LIPE: variants seen among roughly 807,000 people sequenced by gnomAD.
The protein encoded by LIPE is hormone-sensitive lipase.
In LIPE, 66 loss-of-function variants were observed where a neutral mutation model predicts 88.5. That is an observed-to-expected ratio of 0.75 (90% confidence interval 0.61 to 0.91). LIPE has a LOEUF of 0.91. LIPE is among the 40% of genes least tolerant of loss of function. The pLI is 0.00. For missense variants in LIPE, 1,346 were observed against 1,434.7 expected (o/e 0.94, Z 1.00); for synonymous variants, 570 against 617.5 (o/e 0.92, Z 1.14).
intron 1 of LIPE, among the ~76,000 whole-genome samples, chr19:42,417,757 A>G (rs1000082000): frequency 6.6e-6 from 1 of 152,220 alleles, no homozygotes; most frequent in Admixed American, 6.5e-5. Context: ...GCAGTGGCTC[A>G]TACTTATAAT....
intron 2 of LIPE, among the ~76,000 whole-genome samples, chr19:42,409,559 G>A (rs1408560914): frequency 3.3e-5 from 5 of 152,198 alleles, no homozygotes; most frequent in Admixed American, 1.3e-4. Flanking sequence ...GACCAAGACA[G>A]GGGAGGCCTC....
chr19:42,404,516 A>C (rs1405669204), intron 8 of LIPE, among the ~76,000 whole-genome samples: 1 of 152,148 alleles, frequency 6.6e-6, no homozygotes, highest in East Asian at 1.9e-4. Context: ...GGTATGAGCC[A>C]TTGCGCCTGG....
chr19:42,424,236 C>A (rs1028316195), intron 1 of LIPE: 1 of 686,042 alleles, frequency 1.5e-6, no homozygotes, highest in Non-Finnish European at 2.3e-6. Context: ...ACGCTCGGCG[C>A]CTGCGCACTA....
At chr19:42,412,024 T>TG (rs988017543) in intron 1 of LIPE, among the ~76,000 whole-genome samples, 2 of 152,216 alleles carry the variant, frequency 1.3e-5, no homozygotes, top group Non-Finnish European at 2.9e-5. Context: ...CCCAGCTCTC[T>TG]GGGTCCACAG....
In LIPE at chr19:42,407,003, A is replaced by G. The variant is rs1024752356; in HGVS notation, c.2137+171T>C. The stretch of plus-strand genomic sequence containing the variant: ...GAGAGTCTGGGTGCCACAGTTGGGG[A>G]CAGAGGATAAAGTGGCTGAGGTGGA... On this transcript the variant is annotated intron_variant, in intron 6 of 9. Transcript: ENST00000244289. This position sits in a 1 kb window ranked among gnomAD's most constrained non-coding sequence, Gnocchi z 5.8. Among the ~76,000 whole-genome samples, 2 of 151,976 alleles carry G rather than the reference A, an allele frequency of 1.3e-5. No individual in the cohort carries two copies. The highest frequency in any genetic ancestry group is 2.9e-5 in the Non-Finnish European group (2 of 67,966).
chr19:42,427,210 A>AGCCCTCT lies in LIPE; in HGVS notation c.-68_-62dup. ...GTTCTATCCTTCTGGGCTCCCACCC[A>AGCCCTCT]GCCCTCTCTCTTCACAGATCTCTCA... On this transcript the variant is annotated 5_prime_UTR_variant, in exon 1 of 10. Coordinates refer to ENST00000244289, the MANE Select transcript of LIPE (RefSeq NM_005357.4). 1 of 1,510,534 alleles carries AGCCCTCT rather than the reference A, an allele frequency of 6.6e-7. No homozygotes were observed. The highest frequency in any genetic ancestry group is 8.8e-7 in the Non-Finnish European group (1 of 1,135,138). 93.6% of individuals were successfully genotyped at this position (1,510,534 alleles called of 1,614,324 possible). A position where few individuals can be genotyped will look rare whatever the true frequency, so the allele number is the denominator to read the frequency against.
chr19:42,426,145 T>C, intron 1 of LIPE, 122 bp downstream of exon 1: 1 of 729,602 alleles, frequency 1.4e-6, no homozygotes, highest in Middle Eastern at 4.0e-4. Flanking sequence ...GATGTTGATC[T>C]TTATCTCAGG....
chr19:42,419,043 C>G (rs2040544712), intron 1 of LIPE, among the ~76,000 whole-genome samples: 1 of 152,168 alleles, frequency 6.6e-6, no homozygotes, highest in Admixed American at 6.5e-5. Context: ...CTTTGGGAGG[C>G]TGAGGCCGGT....
intron 1 of LIPE, chr19:42,423,187 C>G (rs987116511): frequency 6.7e-6 from 2 of 298,438 alleles, no homozygotes; most frequent in Non-Finnish European, 6.6e-6. Flanking sequence ...ATTCCGGACT[C>G]TGCTCCCAAG....
chr19:42,412,969 G>A (rs2040414364), intron 1 of LIPE, among the ~76,000 whole-genome samples: 1 of 152,168 alleles, frequency 6.6e-6, no homozygotes, highest in Admixed American at 6.5e-5. Context: ...CCTACTGGGT[G>A]GTGTGACCAC....
intron 1 of LIPE, among the ~76,000 whole-genome samples, chr19:42,420,900 CCT>C (rs200244291): frequency 4.2e-4 from 64 of 151,550 alleles, no homozygotes; most frequent in African/African-American, 1.5e-3. Flanking sequence ...GTACCATCCT[CCT>C]CTCTCTCTCT....
intron 1 of LIPE, chr19:42,425,063 T>G: frequency 9.5e-6 from 2 of 210,216 alleles, no homozygotes; most frequent in Admixed American, 5.3e-5. Flanking sequence ...GCAAGGCCCT[T>G]CCGCCTGGCT....
At chr19:42,405,972 TCTCTCACACACACACACACA>T (rs1442308958) in intron 7 of LIPE, 169 bp downstream of exon 7, 1 of 559,294 alleles carries the variant, frequency 1.8e-6, no homozygotes, top group Non-Finnish European at 3.1e-6. Context: ...TCTCTCTCTC[TCTCTCACACACACACACACA>T]CACACACACA....
intron 1 of LIPE, chr19:42,423,283 G>A: frequency 1.8e-6 from 1 of 541,738 alleles, no homozygotes; most frequent in Non-Finnish European, 2.9e-6. Context: ...TCATCCCGTT[G>A]TCCCCGCAAG....
rs1201016049 is a variant in LIPE at position 42,402,903 on chromosome 19, T to C, written c.2671A>G (p.Thr891Ala). The change falls in exon 9 of 10, where the codon ACC becomes GCC. Residue 891 changes from threonine (T) to alanine (A), a missense_variant. By Grantham distance (58) the Thr-to-Ala change is moderately conservative (BLOSUM62 0). Transcript: ENST00000244289. ...TCAGCTGACAGCGACATCTCGGGGGTGTCCGACGACGTCTCGGAGTTTCCC... is the reference window on the plus strand; with the variant it reads ...TCAGCTGACAGCGACATCTCGGGGGCGTCCGACGACGTCTCGGAGTTTCCC... ...LRGNSETSSD[T>A]PEMSLSAETL... 1.2e-6 allele frequency: 2 copies of C among 1,612,898 alleles called. No individual in the cohort carries two copies. The highest frequency in any genetic ancestry group is 1.3e-5 in the African/African-American group (1 of 74,840).
At chr19:42,412,382 C>A in intron 1 of LIPE, 9 of 985,916 alleles carry the variant, frequency 9.1e-6, no homozygotes, top group Non-Finnish European at 1.1e-5. Context: ...AGGCATCTTC[C>A]GAGCTTCCCT....
intron 1 of LIPE, among the ~76,000 whole-genome samples, chr19:42,425,449 C>T (rs761872609): frequency 1.5e-4 from 23 of 152,160 alleles, no homozygotes; most frequent in Admixed American, 3.9e-4. Flanking sequence ...TTTGCCACTT[C>T]CTAACTGCAT....
Position 42,405,496 on chromosome 19 carries a change from G to A in LIPE, c.2431C>T (p.Arg811Trp), listed in dbSNP as rs2040140588. The change falls in exon 8 of 10, where the codon CGG becomes TGG. Residue 811 changes from arginine (R) to tryptophan (W), a missense_variant. Transcript: ENST00000244289. ...KALGMMGLVR[R>W]DTALLLRDFR... Reference sequence around the variant, plus strand: ...TCTCGGAGGAGCAGGGCTGTGTCCCGCCGCACCAGCCCCATCATGCCGAGG... The same window carrying A: ...TCTCGGAGGAGCAGGGCTGTGTCCCACCGCACCAGCCCCATCATGCCGAGG... The A allele has an allele frequency of 6.2e-6, 10 of 1,614,010 alleles. No individual in the cohort carries two copies. Among genetic ancestry groups the A allele is most frequent in the East Asian group, 2.2e-5 (1 of 44,894 alleles).
intron 1 of LIPE, chr19:42,412,639 C>A (rs891072085): frequency 2.3e-6 from 2 of 880,080 alleles, no homozygotes; most frequent in Non-Finnish European, 1.4e-6. Flanking sequence ...GGAGTCCACA[C>A]CCACAGCCCC....
Sources: gnomAD v4.1 joint callset for allele counts (sites outside exome capture counted in the v4.1 genomes callset) on GRCh38, gnomAD v4.1.1 for gene constraint, Gnocchi (gnomAD v3.1) non-coding constraint, MANE v1.5 for transcripts, NCBI Gene and HGNC (gene_info 2026-07-23, HGNC 2026-07-21) for gene names.